NYAP2: variants seen among roughly 807,000 people sequenced by gnomAD.
NYAP2 encodes the protein neuronal tyrosine-phosphorylated phosphoinositide-3-kinase adaptor 2, also known as neuronal tyrosine-phosphorylated phosphoinositide-3-kinase adapter 2.
Under a neutral mutation model 50.4 loss-of-function variants are expected in NYAP2, and 23 were observed. The ratio of observed to expected loss-of-function variants is 0.46; its 90% CI spans 0.33 to 0.65. NYAP2 has a LOEUF of 0.65. Among genes scored for constraint, NYAP2 ranks in the 30% least tolerant of loss-of-function variants. NYAP2 has a pLI of 0.02. For synonymous variants in NYAP2, 394 were observed against 365.2 expected (o/e 1.08, Z -0.90); for missense variants, 885 against 861.0 (o/e 1.03, Z -0.35).
chr2:225,538,257 G>T (rs1357187335), intron 4 of NYAP2, among the ~76,000 whole-genome samples: 1 of 152,136 alleles, frequency 6.6e-6, no homozygotes, highest in African/African-American at 2.4e-5. Context: ...CCATGTGGGG[G>T]CTCCAACCCC....
rs1357345084 is a variant in NYAP2 at position 225,513,504 on chromosome 2, C to T, written c.355C>T (p.Gln119Ter). 6.2e-7 allele frequency: 1 copy of T among 1,613,786 alleles called. No individual in the cohort carries two copies. The highest frequency in any genetic ancestry group is 8.5e-7 in the Non-Finnish European group (1 of 1,179,860). Reference sequence around the variant, plus strand: ...CTCCAGTGGCTTTTCTGTGAGATCACAGTCCCTGCACTCGGTTGGGGGCAC... The same window carrying T: ...CTCCAGTGGCTTTTCTGTGAGATCATAGTCCCTGCACTCGGTTGGGGGCAC... Residue 119 changes from glutamine to a stop codon, truncating the protein, a stop_gained, in exon 4 of 7, where the codon CAG becomes TAG. Transcript: ENST00000636099. LOFTEE classifies it high-confidence loss of function.
In NYAP2 at chr2:225,578,143, G is replaced by A. The variant is rs368808275; in HGVS notation, c.524-3798G>A. Among the ~76,000 whole-genome samples the A allele has an allele frequency of 4.7e-4, 72 of 152,082 alleles. No individual in the cohort carries two copies. The East Asian group carries it at 0.01, about 21-fold the overall frequency. On this transcript the variant is annotated intron_variant, in intron 4 of 6. Coordinates refer to ENST00000636099, the Ensembl canonical transcript of NYAP2. ...AGATGGGGTTTCACCATGTTGGCCA[G>A]GCTGGTCTCGAACTCCTGACCTCAA...
At chr2:225,416,660 A>G (rs1332813623) in intron 3 of NYAP2, among the ~76,000 whole-genome samples, 1 of 152,212 alleles carries the variant, frequency 6.6e-6, no homozygotes, top group African/African-American at 2.4e-5. Flanking sequence ...TGTTAGGGTA[A>G]GCCTCCTTCA....
At chr2:225,414,338 G>A (rs753191237) in intron 3 of NYAP2, among the ~76,000 whole-genome samples, 1 of 152,106 alleles carries the variant, frequency 6.6e-6, no homozygotes, top group African/African-American at 2.4e-5. Flanking sequence ...AGTTAATGGA[G>A]AATGAAAAAA....
chr2:225,665,733 T>C, the NYAP2 span, among the ~76,000 whole-genome samples: 17 of 135,284 alleles, frequency 1.3e-4, no homozygotes, highest in Middle Eastern at 4.5e-3. Flanking sequence ...TGCTTGAACC[T>C]GGGAGGCAGA....
intron 4 of NYAP2, among the ~76,000 whole-genome samples, chr2:225,521,578 A>T (rs565026024): frequency 5.5e-4 from 84 of 152,228 alleles, no homozygotes; most frequent in Non-Finnish European, 1.1e-3. Context: ...GATTACACTT[A>T]TTGATTTGCG....
chr2:225,695,835 G>A, the NYAP2 span, among the ~76,000 whole-genome samples: 1 of 151,884 alleles, frequency 6.6e-6, no homozygotes, highest in Non-Finnish European at 1.5e-5. Context: ...TATTTAAAAA[G>A]TGAATGCTCA....
the NYAP2 span, among the ~76,000 whole-genome samples, chr2:225,690,101 T>G: frequency 6.6e-6 from 1 of 152,108 alleles, no homozygotes; most frequent in Non-Finnish European, 1.5e-5. Context: ...TTTATACTTT[T>G]AAAGTGGCAC....
At chr2:225,689,592 A>C in the NYAP2 span, among the ~76,000 whole-genome samples, 1 of 152,108 alleles carries the variant, frequency 6.6e-6, no homozygotes. Flanking sequence ...TATATCTCAA[A>C]ACTAAATTTA....
chr2:225,631,882 A>T (rs1693322237), intron 6 of NYAP2, among the ~76,000 whole-genome samples: 2 of 152,158 alleles, frequency 1.3e-5, no homozygotes, highest in African/African-American at 4.8e-5. Flanking sequence ...CAATGGCATG[A>T]TCTCAGCTCA....
downstream of NYAP2, among the ~76,000 whole-genome samples, chr2:225,656,845 C>G (rs1460540262): frequency 6.6e-6 from 1 of 152,162 alleles, no homozygotes; most frequent in African/African-American, 2.4e-5. Flanking sequence ...TGTTGACTTA[C>G]TCAACACCTC....
At chr2:225,613,612 T>C (rs1692936671) in intron 5 of NYAP2, among the ~76,000 whole-genome samples, 1 of 152,224 alleles carries the variant, frequency 6.6e-6, no homozygotes, top group East Asian at 1.9e-4. Context: ...TGACCCATAG[T>C]AGCCACTTAA....
chr2:225,410,931 G>T (rs1574600419), intron 3 of NYAP2, among the ~76,000 whole-genome samples: 1 of 152,070 alleles, frequency 6.6e-6, no homozygotes, highest in African/African-American at 2.4e-5. Context: ...ATCCATTTGT[G>T]TGAACTTTGA....
chr2:225,403,972 T>C (rs912033513), intron 2 of NYAP2, among the ~76,000 whole-genome samples: 14 of 151,964 alleles, frequency 9.2e-5, no homozygotes, highest in African/African-American at 3.4e-4. Context: ...TAACCATGTA[T>C]GAGAAGGAAG....
intron 3 of NYAP2, among the ~76,000 whole-genome samples, chr2:225,474,502 G>T (rs990622092): frequency 2.0e-5 from 3 of 152,106 alleles, no homozygotes; most frequent in African/African-American, 4.8e-5. Flanking sequence ...GTGGTTTGTA[G>T]TTCACCTTGT....
Position 225,581,376 on chromosome 2 carries a change from C to T in NYAP2, c.524-565C>T, listed in dbSNP as rs538212903. On this transcript the variant is annotated intron_variant, in intron 4 of 6. Coordinates refer to ENST00000636099, the Ensembl canonical transcript of NYAP2. Reference sequence around the variant, plus strand: ...CTCATAAGATTTTCACATCAATTTCCCCTGAAATATCAGACCCATCTGTAT... The same window carrying T: ...CTCATAAGATTTTCACATCAATTTCTCCTGAAATATCAGACCCATCTGTAT... 3.3e-5 allele frequency among the ~76,000 whole-genome samples: 5 copies of T among 152,280 alleles called. No homozygotes were observed. In the South Asian group the frequency reaches 8.3e-4, roughly 25 times the overall value.
intron 3 of NYAP2, among the ~76,000 whole-genome samples, chr2:225,436,034 C>A (rs1383443875): frequency 1.3e-5 from 2 of 152,154 alleles, no homozygotes; most frequent in Non-Finnish European, 2.9e-5. Context: ...TTATTGATCA[C>A]CTACTAGGCA....
intron 3 of NYAP2, among the ~76,000 whole-genome samples, chr2:225,457,828 T>C (rs1273081591): frequency 6.6e-6 from 1 of 152,226 alleles, no homozygotes; most frequent in Admixed American, 6.5e-5. Flanking sequence ...TGCTTTTCTG[T>C]ATTAAACATC....
chr2:225,532,075 C>T (rs1303094569), intron 4 of NYAP2, among the ~76,000 whole-genome samples: 1 of 152,130 alleles, frequency 6.6e-6, no homozygotes, highest in Non-Finnish European at 1.5e-5. Context: ...ATTTCTTTTC[C>T]TTAAATGATT....
Sources: allele counts gnomAD v4.1 joint callset (sites outside exome capture counted in the v4.1 genomes callset), GRCh38; gene constraint gnomAD v4.1.1; transcripts MANE v1.5; gene names NCBI Gene and HGNC (gene_info 2026-07-23, HGNC 2026-07-21).